Variants in NBPF11 observed in about 807,000 individuals in gnomAD.
NBPF11 encodes the protein NBPF family member NBPF11.
Under a neutral mutation model 93.9 loss-of-function variants are expected in NBPF11, and 72 were observed. The observed-to-expected ratio is 0.77, with a 90% CI of 0.63 to 0.93. NBPF11 has a LOEUF of 0.93. Ranked by LOEUF, NBPF11 falls within the 40% of genes least tolerant of loss-of-function variation. The probability of loss-of-function intolerance (pLI) is 0.00; values close to 1 mark genes in which losing one functional copy is unlikely to be tolerated. For missense variants in NBPF11, 705 were observed against 802.2 expected (o/e 0.88, Z 1.46); for synonymous variants, 224 against 304.9 (o/e 0.73, Z 2.76).
chr1:148,103,912 C>G lies in NBPF11; in HGVS notation c.2582G>C (p.Gly861Ala). Residue 861 changes from glycine to alanine, a missense_variant and splice_region_variant, in exon 24 of 24, where the codon GGC becomes GCC. This residue lies in a region of NBPF11 where 109 missense variants were observed against 83.3 expected (regional missense o/e 1.31). Transcript: ENST00000682118. ...CCACTTCCATCAGCACGCTGCTGAG[C>G]CTGGAAAAGGAGACAAAACTAAAGA... ...GKKIKTHHAP[G>A]SAAC 1.2e-6 allele frequency: 2 copies of G among 1,610,822 alleles called. No individual in the cohort carries two copies. The highest frequency in any genetic ancestry group is 1.7e-6 in the Non-Finnish European group (2 of 1,179,092).
At chr1:148,123,609 G>C (rs1284790822) in intron 7 of NBPF11, among the ~76,000 whole-genome samples, 10 of 151,840 alleles carry the variant, frequency 6.6e-5, no homozygotes, top group African/African-American at 2.2e-4. Context: ...AAACTAGATA[G>C]ATGCTGCCTC....
chr1:148,126,815 C>T lies in NBPF11; in HGVS notation c.175+14G>A. On this transcript the variant is annotated intron_variant, in intron 5 of 23. Transcript: ENST00000682118. The stretch of plus-strand genomic sequence containing the variant: ...CATTCATCACTTTCATGATGGTGAG[C>T]CTATAGATCTTACTGTATTTCTTCT... 5 of 1,595,198 alleles carry T rather than the reference C, an allele frequency of 3.1e-6. No individual in the cohort carries two copies. The highest frequency in any genetic ancestry group is 2.7e-5 in the African/African-American group (2 of 74,308).
chr1:148,141,284 T>C (rs2795727), intron 2 of NBPF11, among the ~76,000 whole-genome samples: 3 of 152,028 alleles, frequency 2.0e-5, no homozygotes, highest in Non-Finnish European at 2.9e-5. Flanking sequence ...TGAACTCTAA[T>C]GTAAACTATG....
intron 1 of NBPF11, among the ~76,000 whole-genome samples, chr1:148,148,296 C>G (rs1647266913): frequency 6.6e-6 from 1 of 152,220 alleles, no homozygotes; most frequent in African/African-American, 2.4e-5. Flanking sequence ...TGCCCATGCT[C>G]CTGCCTTGCA....
chr1:148,120,946 A>T (rs1233984987), intron 9 of NBPF11, among the ~76,000 whole-genome samples: 4 of 152,070 alleles, frequency 2.6e-5, no homozygotes, highest in Non-Finnish European at 5.9e-5. Context: ...CGTTTCTATA[A>T]AGCAAGGCTT....
At chr1:148,128,874 T>C (rs1466494373) in intron 4 of NBPF11, among the ~76,000 whole-genome samples, 1 of 148,230 alleles carries the variant, frequency 6.7e-6, no homozygotes, top group African/African-American at 2.5e-5. Flanking sequence ...ATGAAGGGCA[T>C]TGGTGTCTTT....
At position 148,122,135 on chromosome 1, in the gene NBPF11, T is replaced by C; in HGVS notation, c.698A>G (p.Glu233Gly). 2 of 1,613,366 alleles carry C rather than the reference T, an allele frequency of 1.2e-6. No individual in the cohort carries two copies. Among genetic ancestry groups the C allele is most frequent in the Non-Finnish European group, 1.7e-6 (2 of 1,179,580 alleles). ...PHKNIKITFE[E>G]DKVNSSLVVD... The stretch of plus-strand genomic sequence containing the variant: ...AACCAGAGATGAGTTGACTTTGTCT[T>C]CCTCAAATGTGATTTTGATGTTCTT... Residue 233 changes from glutamate (E) to glycine (G), a missense_variant, in exon 9 of 24, where the codon GAA becomes GGA. Glu to Gly is a moderately conservative substitution (Grantham distance 98). Coordinates refer to ENST00000682118, the MANE Select transcript of NBPF11 (RefSeq NM_001385469.3).
chr1:148,115,531 C>CT (rs1666307149), intron 14 of NBPF11, among the ~76,000 whole-genome samples: 2 of 151,702 alleles, frequency 1.3e-5, no homozygotes, highest in South Asian at 4.1e-4. Flanking sequence ...GTTAGGAGGC[C>CT]TGACAGATAC....
In NBPF11 at chr1:148,115,161, T is replaced by TCG. The variant is rs1666177124; in HGVS notation, c.1585+631_1585+632insCG. ...GCCTAGGTGACAGAGCAGGACTCCATCACAAAAAAAAAAAAAAAAAAAAAA... is the reference window on the plus strand; with the variant it reads ...GCCTAGGTGACAGAGCAGGACTCCATCGCACAAAAAAAAAAAAAAAAAAAAAA... On this transcript the variant is annotated intron_variant, in intron 14 of 23. Coordinates refer to ENST00000682118, the MANE Select transcript of NBPF11 (RefSeq NM_001385469.3). Among the ~76,000 whole-genome samples, 8 of 26,262 alleles carry TCG rather than the reference T, an allele frequency of 3.0e-4. 2 individuals are homozygous for TCG. Among genetic ancestry groups the TCG allele is most frequent in the African/African-American group, 8.6e-4 (3 of 3,484 alleles). 17.2% of individuals were successfully genotyped at this position (26,262 alleles called of 152,430 possible). A position where few individuals can be genotyped will look rare whatever the true frequency, so the allele number is the denominator to read the frequency against.
At chr1:148,136,139 T>C (rs1387697211) in intron 3 of NBPF11, among the ~76,000 whole-genome samples, 2 of 151,990 alleles carry the variant, frequency 1.3e-5, no homozygotes, top group Non-Finnish European at 2.9e-5. Context: ...TGTACAATAG[T>C]ATAAACACTT....
rs1662807205 is a variant in NBPF11 at position 148,103,654 on chromosome 1, C to T, written c.*242G>A. The T allele has an allele frequency of 6.2e-7, 1 of 1,610,976 alleles. No homozygotes were observed. Among genetic ancestry groups the T allele is most frequent in the African/African-American group, 1.3e-5 (1 of 74,726 alleles). ...TGCCTGCAGGAATGACACCTCTCGG[C>T]TTAGTAAGGGCTGCTTATTGTGGGA... On this transcript the variant is annotated 3_prime_UTR_variant, in exon 24 of 24. Coordinates refer to ENST00000682118, the MANE Select transcript of NBPF11 (RefSeq NM_001385469.3).
At position 148,103,646 on chromosome 1, in the gene NBPF11, C is replaced by T. The variant is rs1420400114; in HGVS notation, c.*250G>A. Reference sequence around the variant, plus strand: ...ATAGGTCCTGCCTGCAGGAATGACACCTCTCGGCTTAGTAAGGGCTGCTTA... The same window carrying T: ...ATAGGTCCTGCCTGCAGGAATGACATCTCTCGGCTTAGTAAGGGCTGCTTA... On this transcript the variant is annotated 3_prime_UTR_variant, in exon 24 of 24. Coordinates refer to ENST00000682118, the MANE Select transcript of NBPF11 (RefSeq NM_001385469.3). 28 of 1,610,732 alleles carry T rather than the reference C, an allele frequency of 1.7e-5. No individual in the cohort carries two copies. Among genetic ancestry groups the T allele is most frequent in the South Asian group, 4.4e-5 (4 of 90,972 alleles).
intron 1 of NBPF11, chr1:148,149,383 C>A: frequency 1.9e-6 from 3 of 1,594,188 alleles, no homozygotes; most frequent in Non-Finnish European, 2.5e-6. Flanking sequence ...TGCTCATCAT[C>A]CACGGCAGGG....
intron 1 of NBPF11, chr1:148,146,829 C>G (rs1321264061): frequency 1.2e-6 from 2 of 1,613,618 alleles, no homozygotes; most frequent in Non-Finnish European, 1.7e-6. Context: ...TCTTCACCTA[C>G]GACTCCTCCG....
intron 1 of NBPF11, among the ~76,000 whole-genome samples, chr1:148,147,563 C>T (rs1673381142): frequency 6.6e-6 from 1 of 152,012 alleles, no homozygotes; most frequent in Admixed American, 6.5e-5. Context: ...CCGGCTGGGC[C>T]TCTGGTGGCT....
intron 9 of NBPF11, among the ~76,000 whole-genome samples, chr1:148,121,209 A>C (rs1667741434): frequency 6.6e-6 from 1 of 151,506 alleles, no homozygotes; most frequent in African/African-American, 2.4e-5. Flanking sequence ...CATGACAGCT[A>C]ATTTTTGTAT....
rs1427330012 is a variant in NBPF11 at position 148,102,460 on chromosome 1, G to C, written c.*1436C>G. ...GTCTCTAAAAGGGACAGATCTCCTAGACCCCTCCTTAACCAAGTAACCAGT... is the reference window on the plus strand; with the variant it reads ...GTCTCTAAAAGGGACAGATCTCCTACACCCCTCCTTAACCAAGTAACCAGT... On this transcript the variant is annotated 3_prime_UTR_variant, in exon 24 of 24. Transcript: ENST00000682118. 1 of 151,790 alleles carries C rather than the reference G, an allele frequency of 6.6e-6. No homozygotes were observed. The highest frequency in any genetic ancestry group is 6.6e-5 in the Admixed American group (1 of 15,262). The allele number at this position is 151,790 out of a possible 1,614,324, so 9.4% of individuals were successfully genotyped here.
chr1:148,147,986 C>G (rs1205529581), intron 1 of NBPF11, among the ~76,000 whole-genome samples: 1 of 152,092 alleles, frequency 6.6e-6, no homozygotes, highest in African/African-American at 2.4e-5. Flanking sequence ...GTGCCCAGGG[C>G]CTCCACTGGG....
At position 148,122,210 on chromosome 1, in the gene NBPF11, G is replaced by A. The variant is rs1455978604; in HGVS notation, c.623C>T (p.Ala208Val). Reference protein sequence around the residue: ...KVPEDSLEECAITCSNSHGPC... With the variant: ...KVPEDSLEECVITCSNSHGPC... ...GCCGTGGCTATTTGAACAAGTGATGGCACATTCCTCCAGTGAGTCCTCAGG... is the reference window on the plus strand; with the variant it reads ...GCCGTGGCTATTTGAACAAGTGATGACACATTCCTCCAGTGAGTCCTCAGG... Residue 208 changes from alanine to valine, a missense_variant, in exon 9 of 24, where the codon GCC becomes GTC. Coordinates refer to ENST00000682118, the MANE Select transcript of NBPF11 (RefSeq NM_001385469.3). The A allele has an allele frequency of 9.3e-6, 15 of 1,612,132 alleles. No homozygotes were observed. The Admixed American group carries it at 1.8e-4, about 20-fold the overall frequency.
Sources: allele counts gnomAD v4.1 joint callset (sites outside exome capture counted in the v4.1 genomes callset), GRCh38; gene constraint gnomAD v4.1.1; regional missense constraint gnomAD v4.1.1; transcripts MANE v1.5; gene names NCBI Gene and HGNC (gene_info 2026-07-23, HGNC 2026-07-21).